ANKRD28: variants seen among roughly 807,000 people sequenced by gnomAD.
ANKRD28 encodes ankyrin repeat domain 28.
ANKRD28 carries 44 observed loss-of-function variants against 126.5 expected under a neutral mutation model. The observed-to-expected ratio is 0.35, with a 90% confidence interval of 0.27 to 0.45. The LOEUF is 0.45. Ranked by LOEUF, ANKRD28 falls within the 20% of genes least tolerant of loss-of-function variation. The pLI is 1.00. For synonymous variants in ANKRD28, 442 were observed against 468.5 expected, an observed-to-expected ratio of 0.94 and a Z score of 0.73; for missense variants, 1,110 against 1,316.6, an observed-to-expected ratio of 0.84 and a Z score of 2.43.
intron 1 of ANKRD28, among the ~76,000 whole-genome samples, chr3:15,852,588 C>G (rs372387343): frequency 6.6e-6 from 1 of 151,930 alleles, no homozygotes; most frequent in African/African-American, 2.4e-5. Context: ...AATCCCAGCA[C>G]TTTGGGAGGC....
At chr3:15,737,444 A>G (rs755714955) in intron 4 of ANKRD28, among the ~76,000 whole-genome samples, 3 of 78,346 alleles carry the variant, frequency 3.8e-5, no homozygotes, top group Non-Finnish European at 7.9e-5. Flanking sequence ...TCAGAGCCAT[A>G]TAAGATGCAT....
intron 14 of ANKRD28, among the ~76,000 whole-genome samples, chr3:15,700,986 G>A (rs957072168): frequency 6.6e-6 from 1 of 152,180 alleles, no homozygotes; most frequent in Non-Finnish European, 1.5e-5. Context: ...GTGATAATTT[G>A]TTTGGTATTC....
intron 1 of ANKRD28, among the ~76,000 whole-genome samples, chr3:15,832,091 T>A (rs2061214490): frequency 6.6e-6 from 1 of 152,106 alleles, no homozygotes; most frequent in African/African-American, 2.4e-5. Context: ...CAGCAGTAAA[T>A]AAAAGACATC....
intron 13 of ANKRD28, among the ~76,000 whole-genome samples, chr3:15,708,531 C>T (rs2071776062): frequency 6.6e-6 from 1 of 152,020 alleles, no homozygotes; most frequent in Non-Finnish European, 1.5e-5. Context: ...GAATTACTTT[C>T]AACCCTCTCA....
At chr3:15,835,628 T>C (rs758215289) in intron 1 of ANKRD28, among the ~76,000 whole-genome samples, 111 of 152,186 alleles carry the variant, frequency 7.3e-4, no homozygotes, top group Non-Finnish European at 1.4e-3. Context: ...GTCTCATAGC[T>C]TAGTAAGATA....
chr3:15,771,251 A>G (rs2058989348), intron 2 of ANKRD28, among the ~76,000 whole-genome samples: 1 of 152,070 alleles, frequency 6.6e-6, no homozygotes, highest in African/African-American at 2.4e-5. Flanking sequence ...CTCTACTAAA[A>G]ATACAAAAAT....
chr3:15,776,921 C>A (rs1420449485), intron 2 of ANKRD28, among the ~76,000 whole-genome samples: 1 of 152,068 alleles, frequency 6.6e-6, no homozygotes, highest in Non-Finnish European at 1.5e-5. Flanking sequence ...AGCCTAAGAA[C>A]AGTCGTTGCT....
At chr3:15,819,687 T>C (rs2060902598) in intron 1 of ANKRD28, among the ~76,000 whole-genome samples, 1 of 152,216 alleles carries the variant, frequency 6.6e-6, no homozygotes, top group African/African-American at 2.4e-5. Flanking sequence ...ATGAATCAGA[T>C]GCATACCAAT....
intron 2 of ANKRD28, among the ~76,000 whole-genome samples, chr3:15,772,335 C>T (rs2059055669): frequency 6.6e-6 from 1 of 152,086 alleles, no homozygotes; most frequent in Non-Finnish European, 1.5e-5. Flanking sequence ...TGTATCATAA[C>T]TAAGAGGGGA....
rs193049441 is a variant in ANKRD28 at position 15,672,883 on chromosome 3, C to G, written c.2966-2327G>C. Among the ~76,000 whole-genome samples the G allele has an allele frequency of 3.1e-3, 473 of 152,382 alleles. 1 individual carries two copies. Among genetic ancestry groups the G allele is most frequent in the Non-Finnish European group, 5.4e-3 (365 of 68,040 alleles). On this transcript the variant is annotated intron_variant, in intron 27 of 27. Coordinates refer to ENST00000683139, the MANE Select transcript of ANKRD28 (RefSeq NM_001349278.2). ...TTCTGCCTCCTGGGTTCAAGCGATTCTCTTGCCTCAGCCTCCCAAGTAGCT... is the reference window on the plus strand; with the variant it reads ...TTCTGCCTCCTGGGTTCAAGCGATTGTCTTGCCTCAGCCTCCCAAGTAGCT...
chr3:15,712,523 C>T (rs749704100), intron 10 of ANKRD28, among the ~76,000 whole-genome samples: 6 of 152,144 alleles, frequency 3.9e-5, no homozygotes, highest in Non-Finnish European at 8.8e-5. Context: ...CTGGGCTCTA[C>T]CCAATGGATG....
chr3:15,804,134 T>G (rs928432131), intron 1 of ANKRD28, among the ~76,000 whole-genome samples: 1 of 145,180 alleles, frequency 6.9e-6, no homozygotes, highest in Non-Finnish European at 1.5e-5. Flanking sequence ...TGCCAAGGAA[T>G]TATAAGGTAT....
At chr3:15,844,189 A>C (rs946246593) in intron 1 of ANKRD28, among the ~76,000 whole-genome samples, 1 of 152,214 alleles carries the variant, frequency 6.6e-6, no homozygotes, top group Non-Finnish European at 1.5e-5. Flanking sequence ...AGTATCAATC[A>C]ATATCTAGTA....
At chr3:15,844,731 A>G (rs1441414460) in intron 1 of ANKRD28, among the ~76,000 whole-genome samples, 1 of 152,234 alleles carries the variant, frequency 6.6e-6, no homozygotes, top group Non-Finnish European at 1.5e-5. Context: ...CAGTCACTGC[A>G]CTTAAATTTA....
Position 15,721,115 on chromosome 3 carries a change from T to G in ANKRD28, c.796A>C (p.Asn266His). 6.2e-7 allele frequency: 1 copy of G among 1,611,324 alleles called. No homozygotes were observed. Among genetic ancestry groups the G allele is most frequent in the Non-Finnish European group, 8.5e-7 (1 of 1,179,050 alleles). The change falls in exon 8 of 28, where the codon AAT becomes CAT. Residue 266 changes from asparagine (N) to histidine (H), a missense_variant. By Grantham distance (68) the Asn-to-His change is moderately conservative. Coordinates refer to ENST00000683139, the MANE Select transcript of ANKRD28 (RefSeq NM_001349278.2). Reference sequence around the variant, plus strand: ...TGAAGAGGTGTATTTCCATAGGCATTTGGTTCATTCATCTATTAGAAGGGA... The same window carrying G: ...TGAAGAGGTGTATTTCCATAGGCATGTGGTTCATTCATCTATTAGAAGGGA... ...LDLGVDMNEP[N>H]AYGNTPLHVA...
chr3:15,818,261 C>G (rs772762698), intron 1 of ANKRD28, among the ~76,000 whole-genome samples: 1 of 152,132 alleles, frequency 6.6e-6, no homozygotes, highest in Non-Finnish European at 1.5e-5. Context: ...CTTAATCTGG[C>G]AATTCAAAAT....
rs775034189 is a variant in ANKRD28 at position 15,685,465 on chromosome 3, A to C, written c.2170-20T>G. The C allele has an allele frequency of 6.2e-7, 1 of 1,611,196 alleles. No homozygotes were observed. Among genetic ancestry groups the C allele is most frequent in the Non-Finnish European group, 8.5e-7 (1 of 1,177,322 alleles). ...AACTGCCTGAAAGAAAATAATTTAA[A>C]GGTAGTCAAACATATTATGCTAAAC... On this transcript the variant is annotated intron_variant, in intron 20 of 27. Coordinates refer to ENST00000683139, the MANE Select transcript of ANKRD28 (RefSeq NM_001349278.2).
chr3:15,803,247 A>T (rs1249808227), intron 1 of ANKRD28, among the ~76,000 whole-genome samples: 1 of 152,260 alleles, frequency 6.6e-6, no homozygotes, highest in Non-Finnish European at 1.5e-5. Context: ...TCAAAGGACT[A>T]GTTAGGAGAC....
intron 6 of ANKRD28, among the ~76,000 whole-genome samples, chr3:15,724,828 A>G (rs2074034994): frequency 6.6e-6 from 1 of 152,136 alleles, no homozygotes; most frequent in Admixed American, 6.5e-5. Context: ...AAAATAAAAA[A>G]AAATTAGCTG....
Sources: gnomAD v4.1 joint callset for allele counts (sites outside exome capture counted in the v4.1 genomes callset) on GRCh38, gnomAD v4.1.1 for gene constraint, MANE v1.5 for transcripts, NCBI Gene and HGNC (gene_info 2026-07-23, HGNC 2026-07-21) for gene names.